Variants in NOL4 observed in about 807,000 individuals in gnomAD.
NOL4 encodes the protein nucleolar protein 4, also known as cancer/testis antigen 125.
NOL4 carries 17 observed loss-of-function variants against 75.9 expected under a neutral mutation model. The observed-to-expected ratio is 0.22, with a 90% CI of 0.15 to 0.34. The LOEUF is 0.34. Among genes scored for constraint, NOL4 ranks in the 10% least tolerant of loss-of-function variants. The pLI is 1.00. For synonymous variants in NOL4, 292 were observed against 289.9 expected, an observed-to-expected ratio of 1.01 and a Z score of -0.07; for missense variants, 614 against 793.5, an observed-to-expected ratio of 0.77 and a Z score of 2.72.
At chr18:33,894,456 C>T (rs1054092080) in intron 9 of NOL4, among the ~76,000 whole-genome samples, 4 of 152,098 alleles carry the variant, frequency 2.6e-5, no homozygotes, top group African/African-American at 9.7e-5. Flanking sequence ...AAGTACCCAA[C>T]ACAGAACTTT....
chr18:33,990,297 T>C (rs1011188489), intron 6 of NOL4, among the ~76,000 whole-genome samples: 2 of 152,022 alleles, frequency 1.3e-5, no homozygotes, highest in Non-Finnish European at 2.9e-5. Context: ...CTTCACTCAT[T>C]CTCTGAAACA....
intron 8 of NOL4, among the ~76,000 whole-genome samples, chr18:33,947,091 A>T (rs370462011): frequency 1.8e-4 from 28 of 151,916 alleles, no homozygotes; most frequent in African/African-American, 5.5e-4. Flanking sequence ...ACAAAAGTTT[A>T]AAAAAATTTC....
At chr18:34,094,006 C>T (rs1015814802) in intron 4 of NOL4, among the ~76,000 whole-genome samples, 2 of 152,100 alleles carry the variant, frequency 1.3e-5, no homozygotes, top group African/African-American at 2.4e-5. Flanking sequence ...CAAGCCACTG[C>T]ACTCCAGCCT....
rs2031283884 is a variant in NOL4, at chr18:34,160,434, T to C, written c.265-30414A>G. ...AGTAATAAATGTGTTTCTGATTATA[T>C]ATATTATATACTTGATTTTCCAGAG... On this transcript the variant is annotated intron_variant, in intron 1 of 10. Transcript: ENST00000261592. 2.6e-5 allele frequency among the ~76,000 whole-genome samples: 4 copies of C among 152,148 alleles called. No individual in the cohort carries two copies. In the South Asian group the frequency reaches 8.3e-4, roughly 31 times the overall value.
intron 1 of NOL4, among the ~76,000 whole-genome samples, chr18:34,194,981 G>A (rs896205077): frequency 1.3e-5 from 2 of 150,338 alleles, no homozygotes; most frequent in African/African-American, 2.4e-5. Flanking sequence ...CCGAGATCAC[G>A]CCATTGCACT....
intron 9 of NOL4, among the ~76,000 whole-genome samples, chr18:33,906,481 C>T (rs1026456996): frequency 1.3e-5 from 2 of 152,152 alleles, no homozygotes; most frequent in Non-Finnish European, 2.9e-5. Context: ...GTGCGGTGAG[C>T]TGAAAGAGTT....
intron 1 of NOL4, among the ~76,000 whole-genome samples, chr18:34,157,480 G>T (rs1393481441): frequency 6.6e-6 from 1 of 152,074 alleles, no homozygotes; most frequent in Admixed American, 6.6e-5. Flanking sequence ...ATATAGAATT[G>T]TCCATGAAGT....
intron 5 of NOL4, among the ~76,000 whole-genome samples, chr18:34,046,579 C>G (rs910530484): frequency 8.6e-6 from 1 of 115,728 alleles, no homozygotes; most frequent in East Asian, 2.4e-4. Flanking sequence ...AGTCCCTGAC[C>G]ATTTTTAAAA....
At chr18:33,886,693 G>C (rs2064681328) in intron 9 of NOL4, among the ~76,000 whole-genome samples, 1 of 147,786 alleles carries the variant, frequency 6.8e-6, no homozygotes, top group Non-Finnish European at 1.5e-5. Flanking sequence ...GTGATGGCTA[G>C]CCCATTCTCC....
At chr18:33,973,369 A>G (rs1297247757) in intron 6 of NOL4, among the ~76,000 whole-genome samples, 1 of 152,094 alleles carries the variant, frequency 6.6e-6, no homozygotes, top group African/African-American at 2.4e-5. Flanking sequence ...GACTTCCTCT[A>G]CTGAAGGCTT....
chr18:33,893,416 T>C (rs2144857000), intron 9 of NOL4, among the ~76,000 whole-genome samples: 1 of 152,276 alleles, frequency 6.6e-6, no homozygotes, highest in Non-Finnish European at 1.5e-5. Flanking sequence ...GCCAACACAC[T>C]GAATTCCTAA....
At position 34,223,544 on chromosome 18, in the gene NOL4, G is replaced by T. The variant is rs574510555; in HGVS notation, c.-291C>A. ...GGTCTCTTTAATATTTTGTGACCAG[G>T]ACCATCCCAACACCATTCTGGCCCA... On this transcript the variant is annotated 5_prime_UTR_variant, in exon 1 of 11. Coordinates refer to ENST00000261592, the MANE Select transcript of NOL4 (RefSeq NM_003787.5). 2 of 497,528 alleles carry T rather than the reference G, an allele frequency of 4.0e-6. No homozygotes were observed. The highest frequency in any genetic ancestry group is 3.9e-5 in the African/African-American group (2 of 51,732). 30.8% of individuals were successfully genotyped at this position (497,528 alleles called of 1,614,324 possible).
chr18:34,186,397 C>G (rs1173156089), intron 1 of NOL4, among the ~76,000 whole-genome samples: 1 of 152,148 alleles, frequency 6.6e-6, no homozygotes, highest in Non-Finnish European at 1.5e-5. Flanking sequence ...CAATTTAGAA[C>G]TAGGGATTAG....
chr18:33,962,239 C>T (rs2070197772), intron 6 of NOL4, among the ~76,000 whole-genome samples: 1 of 152,122 alleles, frequency 6.6e-6, no homozygotes, highest in African/African-American at 2.4e-5. Context: ...CACCCACATG[C>T]TTTTAAATTT....
At chr18:34,115,886 G>T (rs193154132) in intron 2 of NOL4, among the ~76,000 whole-genome samples, 1 of 152,038 alleles carries the variant, frequency 6.6e-6, no homozygotes, top group African/African-American at 2.4e-5. Context: ...AATTATCTAC[G>T]GTTGTGGAGT....
intron 2 of NOL4, among the ~76,000 whole-genome samples, chr18:34,123,708 A>G (rs146950100): frequency 0.021 from 2,910 of 141,716 alleles, 107 homozygotes; most frequent in African/African-American, 0.068. Flanking sequence ...GTATATATAG[A>G]GAGATAGATG....
chr18:34,037,088 C>T (rs532465734), intron 5 of NOL4, among the ~76,000 whole-genome samples: 5 of 151,980 alleles, frequency 3.3e-5, no homozygotes, highest in Admixed American at 1.3e-4. Context: ...TTGCAGAATA[C>T]AAAATGAACA....
intron 10 of NOL4, among the ~76,000 whole-genome samples, chr18:33,882,145 A>G (rs1460020294): frequency 1.6e-4 from 25 of 152,118 alleles, no homozygotes; most frequent in South Asian, 1.2e-3. Flanking sequence ...ATAGGCATGG[A>G]CAAGGACTTC....
At chr18:33,856,668 C>A (rs954287297) in intron 10 of NOL4, among the ~76,000 whole-genome samples, 12 of 151,960 alleles carry the variant, frequency 7.9e-5, no homozygotes, top group Admixed American at 3.3e-4. Context: ...TAAATTAATT[C>A]TTTACTACAG....
Sources: gnomAD v4.1 joint callset for allele counts (sites outside exome capture counted in the v4.1 genomes callset) on GRCh38, gnomAD v4.1.1 for gene constraint, MANE v1.5 for transcripts, NCBI Gene and HGNC (gene_info 2026-07-23, HGNC 2026-07-21) for gene names.